ATP6V0C: variants seen among roughly 807,000 people sequenced by gnomAD.
ATP6V0C encodes V-type proton ATPase 16 kDa proteolipid subunit c.
ATP6V0C carries 2 observed loss-of-function variants against 10.6 expected under a neutral mutation model. The ratio of observed to expected loss-of-function variants is 0.19; its 90% confidence interval spans 0.08 to 0.59. The LOEUF is 0.59. Among genes scored for constraint, ATP6V0C ranks in the 20% least tolerant of loss-of-function variants. The pLI, the probability that ATP6V0C is intolerant of heterozygous loss-of-function variation, is 0.90. For synonymous variants in ATP6V0C, 128 were observed against 101.3 expected, an observed-to-expected ratio of 1.26 and a Z score of -1.59; for missense variants, 89 against 225.9, an observed-to-expected ratio of 0.39 and a Z score of 3.88.
intron 1 of ATP6V0C, among the ~76,000 whole-genome samples, chr16:2,518,306 A>G (rs1379278645): frequency 6.6e-6 from 1 of 152,236 alleles, no homozygotes; most frequent in African/African-American, 2.4e-5. Context: ...AAGAAAGGCA[A>G]CATTCTCTTG....
intron 1 of ATP6V0C, chr16:2,518,905 G>A (rs2065892007): frequency 2.8e-6 from 1 of 353,350 alleles, no homozygotes; most frequent in Non-Finnish European, 5.2e-6. Flanking sequence ...TGGGGTGACA[G>A]GTGGGTTCAC....
In ATP6V0C at chr16:2,513,995, G is replaced by T; in HGVS notation, c.-109G>T. On this transcript the variant is annotated 5_prime_UTR_variant, in exon 1 of 3. Coordinates refer to ENST00000330398, the MANE Select transcript of ATP6V0C (RefSeq NM_001694.4). ...TTAGAGCGCAGCGGCTGACGGGCCGGATCGCCTTCGCCGCCGCCCGCCCGC... is the reference window on the plus strand; with the variant it reads ...TTAGAGCGCAGCGGCTGACGGGCCGTATCGCCTTCGCCGCCGCCCGCCCGC... 1 of 990,772 alleles carries T rather than the reference G, an allele frequency of 1.0e-6. No individual in the cohort carries two copies. The highest frequency in any genetic ancestry group is 1.5e-6 in the Non-Finnish European group (1 of 681,530). The allele number at this position is 990,772 out of a possible 1,614,324, so 61.4% of individuals were successfully genotyped here.
chr16:2,519,937 GC>G lies in ATP6V0C; in HGVS notation c.*195del. 1.2e-6 allele frequency: 1 copy of G among 833,096 alleles called. No homozygotes were observed. Among genetic ancestry groups the G allele is most frequent in the Non-Finnish European group, 2.0e-6 (1 of 507,498 alleles). 51.6% of individuals were successfully genotyped at this position (833,096 alleles called of 1,614,324 possible). On this transcript the variant is annotated 3_prime_UTR_variant, in exon 3 of 3. Transcript: ENST00000330398. ...CCCGCCCCGTGCCGTGGACATCTGG[GC>G]CCACTCATCGCCCCTCCAGGCCCCC...
At chr16:2,514,628 G>T (rs1009100187) in intron 1 of ATP6V0C, among the ~76,000 whole-genome samples, 3 of 152,172 alleles carry the variant, frequency 2.0e-5, no homozygotes, top group African/African-American at 7.2e-5. Context: ...ACGCCCAGCC[G>T]GTCGCTGGAG....
intron 1 of ATP6V0C, among the ~76,000 whole-genome samples, chr16:2,516,256 G>A (rs1168263251): frequency 6.6e-6 from 1 of 151,910 alleles, no homozygotes. Context: ...AGGACTACAG[G>A]CACAGGCTAC....
rs546658499 is a variant in ATP6V0C at position 2,515,739 on chromosome 16, T to C, written c.79+1557T>C. Among the ~76,000 whole-genome samples the C allele has an allele frequency of 5.3e-5, 8 of 152,314 alleles. 1 individual carries two copies. The South Asian group carries it at 1.4e-3, about 28-fold the overall frequency. ...TGGGGTATTAGCTTGTGGCTGTCAC[T>C]CATTCATCCAAACAATCTTGATTGA... is the stretch of plus-strand genomic sequence containing the variant. On this transcript the variant is annotated intron_variant, in intron 1 of 2. Transcript: ENST00000330398.
Position 2,513,960 on chromosome 16 carries a change from G to C in ATP6V0C, c.-144G>C. 1 of 697,546 alleles carries C rather than the reference G, an allele frequency of 1.4e-6. No homozygotes were observed. Among genetic ancestry groups the C allele is most frequent in the Non-Finnish European group, 2.3e-6 (1 of 429,988 alleles). The allele number at this position is 697,546 out of a possible 1,614,324, so 43.2% of individuals were successfully genotyped here. Reference sequence around the variant, plus strand: ...GCCGCGGCCGCCATTTTGTTCTGCGGTGCTGGTATTTAGAGCGCAGCGGCT... The same window carrying C: ...GCCGCGGCCGCCATTTTGTTCTGCGCTGCTGGTATTTAGAGCGCAGCGGCT... On this transcript the variant is annotated 5_prime_UTR_variant, in exon 1 of 3. Coordinates refer to ENST00000330398, the MANE Select transcript of ATP6V0C (RefSeq NM_001694.4).
chr16:2,513,939 C>T, upstream of ATP6V0C: 1 of 591,346 alleles, frequency 1.7e-6, no homozygotes, highest in Non-Finnish European at 2.9e-6. Flanking sequence ...GACGCGGCCG[C>T]GGCCGCCATT....
intron 1 of ATP6V0C, among the ~76,000 whole-genome samples, chr16:2,514,627 C>T (rs933089799): frequency 6.6e-6 from 1 of 152,150 alleles, no homozygotes; most frequent in Non-Finnish European, 1.5e-5. Flanking sequence ...AACGCCCAGC[C>T]GGTCGCTGGA....
Position 2,519,566 on chromosome 16 carries a change from C to T in ATP6V0C, c.289C>T (p.Leu97=), listed in dbSNP as rs764908287. 7.7e-6 allele frequency: 12 copies of T among 1,563,158 alleles called. No individual in the cohort carries two copies. The highest frequency in any genetic ancestry group is 9.6e-6 in the Non-Finnish European group (11 of 1,150,954). ...GAGCTTCCTCCAGCTGGGCGCCGGC[C>T]TGAGCGTGGGCCTGAGCGGCCTGGC... ...YKSFLQLGAG[L]SVGLSGLAAG... is the part of the protein sequence containing the mutation. The change falls in exon 3 of 3, where the codon CTG becomes TTG. Residue 97 remains leucine, a synonymous_variant. Coordinates refer to ENST00000330398, the MANE Select transcript of ATP6V0C (RefSeq NM_001694.4).
chr16:2,519,685 C>T lies in ATP6V0C; in HGVS notation c.408C>T (p.Ile136=), dbSNP rs1471026131. The T allele has an allele frequency of 1.2e-5, 19 of 1,612,208 alleles. No individual in the cohort carries two copies. The highest frequency in any genetic ancestry group is 1.4e-5 in the Non-Finnish European group (17 of 1,178,572). Residue 136 remains isoleucine, a synonymous_variant, in exon 3 of 3, where the codon ATC becomes ATT. Coordinates refer to ENST00000330398, the MANE Select transcript of ATP6V0C (RefSeq NM_001694.4). ...TCGTGGGCATGATCCTGATTCTCAT[C>T]TTCGCCGAGGTGCTCGGCCTCTACG... The part of the protein sequence containing the change: ...RLFVGMILIL[I]FAEVLGLYGL...
intron 1 of ATP6V0C, among the ~76,000 whole-genome samples, chr16:2,516,357 C>G (rs532554823): frequency 2.0e-5 from 3 of 152,300 alleles, no homozygotes; most frequent in South Asian, 4.1e-4. Context: ...AACGATCCAC[C>G]TGCTTCTGCC....
chr16:2,518,665 T>G (rs1022005844), intron 1 of ATP6V0C, among the ~76,000 whole-genome samples: 5 of 152,174 alleles, frequency 3.3e-5, no homozygotes, highest in Non-Finnish European at 7.4e-5. Context: ...TATTTGGGGC[T>G]GGGAGCGTTG....
chr16:2,516,806 C>G (rs2065879231), intron 1 of ATP6V0C: 9 of 152,566 alleles, frequency 5.9e-5, no homozygotes, highest in Admixed American at 5.9e-4. Context: ...CCCACTCTTT[C>G]TGTGGCTGCT....
At position 2,519,376 on chromosome 16, in the gene ATP6V0C, C is replaced by T; in HGVS notation, c.238C>T (p.Leu80=). 1 of 1,613,808 alleles carries T rather than the reference C, an allele frequency of 6.2e-7. No homozygotes were observed. Among genetic ancestry groups the T allele is most frequent in the Non-Finnish European group, 8.5e-7 (1 of 1,179,752 alleles). ...LVVAVLIANS[L]NDDISLYKSF... Reference sequence around the variant, plus strand: ...GGTGGCAGTCCTCATCGCCAACTCCCTGAATGACGACATCAGCCTCTACAA... The same window carrying T: ...GGTGGCAGTCCTCATCGCCAACTCCTTGAATGACGACATCAGCCTCTACAA... The change falls in exon 2 of 3, where the codon CTG becomes TTG. Residue 80 remains leucine, a synonymous_variant. Transcript: ENST00000330398.
intron 1 of ATP6V0C, chr16:2,517,292 A>C (rs2065881433): frequency 6.6e-6 from 1 of 152,274 alleles, no homozygotes; most frequent in Non-Finnish European, 1.5e-5. Context: ...TTGGCATGGC[A>C]TGTCTGGGCA....
intron 2 of ATP6V0C, 49 bp downstream of exon 2, chr16:2,519,450 G>A: frequency 6.3e-7 from 1 of 1,574,812 alleles, no homozygotes; most frequent in Non-Finnish European, 8.6e-7. Context: ...ACTGCAGGGA[G>A]GGGGGCGGTT....
intron 1 of ATP6V0C, 61 bp from the exon 2 acceptor site, chr16:2,519,157 G>T: frequency 6.7e-7 from 1 of 1,502,292 alleles, no homozygotes; most frequent in South Asian, 1.3e-5. Flanking sequence ...GCTACACCTC[G>T]GGGTCCTAGT....
upstream of ATP6V0C, chr16:2,513,769 C>A (rs890241126): frequency 9.6e-5 from 17 of 177,200 alleles, no homozygotes; most frequent in Non-Finnish European, 2.0e-4. Flanking sequence ...CCGGAAACAC[C>A]CGCGGAGGCC....
Sources: allele counts gnomAD v4.1 joint callset (sites outside exome capture counted in the v4.1 genomes callset), GRCh38; gene constraint gnomAD v4.1.1; transcripts MANE v1.5; gene names NCBI Gene and HGNC (gene_info 2026-07-23, HGNC 2026-07-21).